The following NPNT variants were observed in gnomAD, a reference collection of about 807,000 sequenced individuals.
The protein encoded by NPNT is preosteoblast EGF-like repeat protein with MAM domain.
Under a neutral mutation model 68.6 loss-of-function variants are expected in NPNT, and 45 were observed. The ratio of observed to expected loss-of-function variants is 0.66; its 90% confidence interval spans 0.52 to 0.84. The LOEUF (loss-of-function observed/expected upper bound fraction) is 0.84, where lower values mean the gene tolerates loss of function less well. NPNT is among the 40% of genes least tolerant of loss of function. NPNT has a pLI of 0.00. For synonymous variants in NPNT, 233 were observed against 253.3 expected (o/e 0.92, Z 0.76); for missense variants, 672 against 714.8 (o/e 0.94, Z 0.68).
At chr4:105,967,126 A>G (rs1732209941) in intron 10 of NPNT, 62 bp from the exon 11 acceptor site, 6 of 1,488,872 alleles carry the variant, frequency 4.0e-6, no homozygotes, top group South Asian at 3.6e-5. Flanking sequence ...ACTCCTGTCC[A>G]TGCTGCTTGT....
chr4:105,927,467 A>C, intron 3 of NPNT, 39 bp downstream of exon 3: 2 of 1,183,944 alleles, frequency 1.7e-6, no homozygotes, highest in South Asian at 2.7e-5. Context: ...AATCGAAGAC[A>C]CCTCTATCAC....
Position 105,940,075 on chromosome 4 carries a change from A to G in NPNT, c.506A>G (p.Asp169Gly), listed in dbSNP as rs775392263. 2 of 1,613,048 alleles carry G rather than the reference A, an allele frequency of 1.2e-6. No homozygotes were observed. The highest frequency in any genetic ancestry group is 2.2e-5 in the South Asian group (2 of 91,050). ...QLAPDGRTCV[D>G]VDECATGRAS... is the part of the protein sequence containing the mutation. ...AAATGCTATTGACTTATGTTTCTAG[A>G]TGTTGATGAATGTGCTACAGGAAGA... Residue 169 changes from aspartate (D) to glycine (G), a missense_variant and splice_region_variant, in exon 6 of 12, where the codon GAT becomes GGT. Physicochemically the swap from Asp to Gly is moderately conservative, Grantham distance 94 (BLOSUM62 -1). Transcript: ENST00000379987.
chr4:105,924,566 C>T (rs1490639146), intron 2 of NPNT, among the ~76,000 whole-genome samples: 1 of 152,140 alleles, frequency 6.6e-6, no homozygotes, highest in African/African-American at 2.4e-5. Context: ...ACTCCCTAAA[C>T]ATGGAAGAAA....
At chr4:105,902,195 T>C (rs1165005176) in intron 2 of NPNT, among the ~76,000 whole-genome samples, 1 of 152,220 alleles carries the variant, frequency 6.6e-6, no homozygotes, top group Non-Finnish European at 1.5e-5. Context: ...ATACTCTCTT[T>C]AAAATAATCA....
intron 10 of NPNT, among the ~76,000 whole-genome samples, chr4:105,963,248 C>A (rs1460259276): frequency 2.0e-5 from 3 of 151,992 alleles, no homozygotes; most frequent in Non-Finnish European, 4.4e-5. Flanking sequence ...ATAATAATTT[C>A]TGTGTATTAT....
intron 8 of NPNT, among the ~76,000 whole-genome samples, chr4:105,953,473 T>G (rs917689358): frequency 6.6e-6 from 1 of 152,216 alleles, no homozygotes; most frequent in African/African-American, 2.4e-5. Flanking sequence ...AATGAATAGA[T>G]GGCTAAAACT....
At chr4:105,928,850 ATAC>A (rs970177257) in intron 3 of NPNT, among the ~76,000 whole-genome samples, 1 of 152,122 alleles carries the variant, frequency 6.6e-6, no homozygotes, top group Non-Finnish European at 1.5e-5. Flanking sequence ...TATTGCTGAA[ATAC>A]TACTGTTCTT....
chr4:105,900,918 G>A (rs768840457), intron 2 of NPNT, among the ~76,000 whole-genome samples: 3 of 124,784 alleles, frequency 2.4e-5, no homozygotes, highest in Non-Finnish European at 4.9e-5. Context: ...TTCAACATTT[G>A]ATTTTCTAAC....
At chr4:105,906,487 C>T (rs1726907686) in intron 2 of NPNT, among the ~76,000 whole-genome samples, 1 of 145,376 alleles carries the variant, frequency 6.9e-6, no homozygotes, top group Non-Finnish European at 1.5e-5. Flanking sequence ...GCATTATGTG[C>T]ATAGCTTTCT....
At chr4:105,955,734 C>T (rs1292726938) in intron 8 of NPNT, among the ~76,000 whole-genome samples, 2 of 151,758 alleles carry the variant, frequency 1.3e-5, no homozygotes, top group African/African-American at 4.8e-5. Context: ...GTGATAATAA[C>T]ATAATACTGC....
At chr4:105,920,229 C>G (rs1376338350) in intron 2 of NPNT, among the ~76,000 whole-genome samples, 1 of 151,726 alleles carries the variant, frequency 6.6e-6, no homozygotes, top group Non-Finnish European at 1.5e-5. Flanking sequence ...CTCTACCATT[C>G]TTTGAGTGCT....
rs188353011 is a variant in NPNT, at chr4:105,896,944, A to G, written c.72-957A>G. ...GTGTAGACCTTTTTATTTTATTTTTAAAAGCAATTCTGTGCTCACATTTGG... is the reference window on the plus strand; with the variant it reads ...GTGTAGACCTTTTTATTTTATTTTTGAAAGCAATTCTGTGCTCACATTTGG... On this transcript the variant is annotated intron_variant, in intron 1 of 11. Coordinates refer to ENST00000379987, the MANE Select transcript of NPNT (RefSeq NM_001033047.3). 3.1e-3 allele frequency among the ~76,000 whole-genome samples: 479 copies of G among 152,312 alleles called. 6 individuals carry two copies. Among genetic ancestry groups the G allele is most frequent in the Non-Finnish European group, 1.4e-3 (94 of 68,040 alleles).
At chr4:105,927,456 C>CA (rs1451036833) in intron 3 of NPNT, 28 bp downstream of exon 3, 2 of 1,303,350 alleles carry the variant, frequency 1.5e-6, no homozygotes, top group African/African-American at 1.5e-5. Flanking sequence ...CATAAATACA[C>CA]AATCGAAGAC....
At chr4:105,955,705 G>A (rs1472141962) in intron 8 of NPNT, among the ~76,000 whole-genome samples, 1 of 150,326 alleles carries the variant, frequency 6.7e-6, no homozygotes, top group African/African-American at 2.4e-5. Context: ...TTTTTGGTTT[G>A]TTTTTCTTGT....
chr4:105,931,017 C>T (rs894589627), intron 3 of NPNT, among the ~76,000 whole-genome samples: 5 of 152,130 alleles, frequency 3.3e-5, no homozygotes, highest in Admixed American at 2.6e-4. Flanking sequence ...ACAAGGCACA[C>T]GTTACCTTTC....
chr4:105,932,805 C>A, intron 3 of NPNT: 1 of 787,768 alleles, frequency 1.3e-6, no homozygotes, highest in South Asian at 1.7e-5. Context: ...CCAGGAGTGT[C>A]CAGCCTTCAG....
intron 3 of NPNT, among the ~76,000 whole-genome samples, chr4:105,928,629 A>C (rs1241233693): frequency 6.6e-6 from 1 of 151,328 alleles, no homozygotes; most frequent in Non-Finnish European, 1.5e-5. Flanking sequence ...AAAAAAAAAA[A>C]AGAAAAAAAA....
chr4:105,928,624 A>AG (rs1480107683), intron 3 of NPNT, among the ~76,000 whole-genome samples: 1 of 151,742 alleles, frequency 6.6e-6, no homozygotes, highest in African/African-American at 2.4e-5. Flanking sequence ...AAAAAAAAAA[A>AG]AAAAAAGAAA....
rs1578600773 is a variant in NPNT, at chr4:105,916,097, C to T, written c.173-11239C>T. ...TATCAAGGGCTGAAAAAAAGTCATCCTCTACAAACATATTTTCTTTTTTTC... is the reference window on the plus strand; with the variant it reads ...TATCAAGGGCTGAAAAAAAGTCATCTTCTACAAACATATTTTCTTTTTTTC... On this transcript the variant is annotated intron_variant, in intron 2 of 11. Transcript: ENST00000379987. Among the ~76,000 whole-genome samples the T allele has an allele frequency of 3.9e-5, 6 of 152,266 alleles. No individual in the cohort carries two copies. In the Middle Eastern group the frequency reaches 0.017, roughly 432 times the overall value.
Sources: gnomAD v4.1 joint callset for allele counts (sites outside exome capture counted in the v4.1 genomes callset) on GRCh38, gnomAD v4.1.1 for gene constraint, MANE v1.5 for transcripts, NCBI Gene and HGNC (gene_info 2026-07-23, HGNC 2026-07-21) for gene names.